RUSC2: variants seen among roughly 807,000 people sequenced by gnomAD.
The protein encoded by RUSC2 is RUN and SH3 domain containing 2.
RUSC2 carries 34 observed loss-of-function variants against 122.2 expected under a neutral mutation model. The observed-to-expected ratio is 0.28, with a 90% CI of 0.21 to 0.37. RUSC2 has a LOEUF of 0.37. Ranked by LOEUF, RUSC2 falls within the 10% of genes least tolerant of loss-of-function variation. The pLI, the probability that RUSC2 is intolerant of heterozygous loss-of-function variation, is 1.00. For synonymous variants in RUSC2, 784 were observed against 790.0 expected (o/e 0.99, Z 0.13); for missense variants, 1,747 against 1,952.4 (o/e 0.89, Z 1.98).
At chr9:35,539,223 C>T (rs1004826615) in intron 1 of RUSC2, 2 of 15,408 alleles carry the variant, frequency 1.3e-4, no homozygotes, top group Non-Finnish European at 2.7e-4. Flanking sequence ...GAGAGGGGGG[C>T]GGTGCGGGGG....
chr9:35,504,992 A>G (rs1244381561), intron 1 of RUSC2, among the ~76,000 whole-genome samples: 3 of 152,240 alleles, frequency 2.0e-5, no homozygotes, highest in Non-Finnish European at 2.9e-5. Context: ...GTACAATGCT[A>G]TGCTTATAGT....
Position 35,547,318 on chromosome 9 carries a change from T to G in RUSC2, c.797T>G (p.Met266Arg), listed in dbSNP as rs1821773349. 3 of 1,614,134 alleles carry G rather than the reference T, an allele frequency of 1.9e-6. No homozygotes were observed. The African/African-American group carries it at 4.0e-5, about 22-fold the overall frequency. ...SSQSEAADQS[M>R]GYVSDSSCNS... ...CAGTCCGAGGCAGCTGACCAGTCCA[T>G]GGGCTATGTGAGCGACTCCTCCTGC... Residue 266 changes from methionine to arginine, a missense_variant, in exon 2 of 12, where the codon ATG becomes AGG. Transcript: ENST00000361226. This position sits in a 1 kb window ranked among gnomAD's most constrained non-coding sequence, Gnocchi z 4.6.
chr9:35,518,770 G>A (rs1166709153), intron 1 of RUSC2, among the ~76,000 whole-genome samples: 2 of 152,182 alleles, frequency 1.3e-5, no homozygotes, highest in Non-Finnish European at 2.9e-5. Context: ...CCCATCCTCT[G>A]TCTCAAATTC....
At chr9:35,533,945 G>A (rs1368674328) in intron 1 of RUSC2, among the ~76,000 whole-genome samples, 1 of 152,132 alleles carries the variant, frequency 6.6e-6, no homozygotes, top group Admixed American at 6.5e-5. Context: ...CTTCTGTGTG[G>A]ATGTTTTTTG....
At position 35,557,794 on chromosome 9, in the gene RUSC2, C is replaced by A; in HGVS notation, c.2984-120C>A. 1 of 789,180 alleles carries A rather than the reference C, an allele frequency of 1.3e-6. No individual in the cohort carries two copies. Among genetic ancestry groups the A allele is most frequent in the South Asian group, 1.4e-5 (1 of 69,230 alleles). The allele number at this position is 789,180 out of a possible 1,614,324, so 48.9% of individuals were successfully genotyped here. On this transcript the variant is annotated intron_variant, in intron 5 of 11. Coordinates refer to ENST00000361226, the MANE Select transcript of RUSC2 (RefSeq NM_014806.5). The surrounding 1 kb of genome is among the most constrained non-coding windows in gnomAD (Gnocchi z 4.6). ...TGAATGTTTTGATAAGACCCATGTG[C>A]AGATGTGGAGACGGAGTAAGTGTGG...
intron 1 of RUSC2, among the ~76,000 whole-genome samples, chr9:35,504,540 AC>A (rs1820877225): frequency 6.7e-6 from 1 of 149,902 alleles, no homozygotes; most frequent in African/African-American, 2.5e-5. Flanking sequence ...ATCTCGGCTC[AC>A]CGCAATCTCT....
At position 35,557,420 on chromosome 9, in the gene RUSC2, T is replaced by TA. The variant is rs1822046451; in HGVS notation, c.2984-492dup. Among the ~76,000 whole-genome samples, 1 of 152,032 alleles carries TA rather than the reference T, an allele frequency of 6.6e-6. No individual in the cohort carries two copies. Among genetic ancestry groups the TA allele is most frequent in the Non-Finnish European group, 1.5e-5 (1 of 68,012 alleles). The stretch of plus-strand genomic sequence containing the variant: ...GGTAGAGGGAAGTTAAAGGAGTTTA[T>TA]AACTAGGGAACTCTGTTCTCTGAAG... On this transcript the variant is annotated intron_variant, in intron 5 of 11. Transcript: ENST00000361226. The surrounding 1 kb of genome is among the most constrained non-coding windows in gnomAD (Gnocchi z 4.6).
Position 35,548,520 on chromosome 9 carries a change from A to G in RUSC2, c.1999A>G (p.Arg667Gly). 2 of 1,611,374 alleles carry G rather than the reference A, an allele frequency of 1.2e-6. No individual in the cohort carries two copies. Among genetic ancestry groups the G allele is most frequent in the Non-Finnish European group, 8.5e-7 (1 of 1,179,160 alleles). The change falls in exon 2 of 12, where the codon AGA becomes GGA. Residue 667 changes from arginine to glycine, a missense_variant. By Grantham distance (125) the Arg-to-Gly change is moderately radical (BLOSUM62 -2). Transcript: ENST00000361226. The surrounding 1 kb of genome is among the most constrained non-coding windows in gnomAD (Gnocchi z 4.5). Reference protein sequence around the residue: ...PANSHTQRDARARADGGGTES... With the variant: ...PANSHTQRDAGARADGGGTES... ...CAACAGCCATACCCAGAGGGATGCA[A>G]GAGCTAGAGCTGACGGTAAGGAGCC...
intron 1 of RUSC2, among the ~76,000 whole-genome samples, chr9:35,496,931 C>T (rs1487255291): frequency 6.6e-6 from 1 of 152,164 alleles, no homozygotes; most frequent in African/African-American, 2.4e-5. Flanking sequence ...TGCTCATCTT[C>T]CCCACTGATA....
At chr9:35,515,278 G>A (rs1446934980) in intron 1 of RUSC2, among the ~76,000 whole-genome samples, 2 of 152,090 alleles carry the variant, frequency 1.3e-5, no homozygotes, top group African/African-American at 4.8e-5. Flanking sequence ...CTCCAGCTTT[G>A]GTAGGAATAC....
At chr9:35,531,569 T>A (rs1821418813) in intron 1 of RUSC2, among the ~76,000 whole-genome samples, 1 of 152,206 alleles carries the variant, frequency 6.6e-6, no homozygotes, top group Non-Finnish European at 1.5e-5. Flanking sequence ...GCTTAGACAT[T>A]TACTGACTGA....
intron 1 of RUSC2, among the ~76,000 whole-genome samples, chr9:35,523,590 T>A (rs1204667132): frequency 6.6e-6 from 1 of 151,984 alleles, no homozygotes; most frequent in Non-Finnish European, 1.5e-5. Context: ...CTGAGGTGGC[T>A]GGATCCTTGA....
At chr9:35,516,684 G>T (rs907356089) in intron 1 of RUSC2, among the ~76,000 whole-genome samples, 2 of 152,142 alleles carry the variant, frequency 1.3e-5, no homozygotes, top group Non-Finnish European at 2.9e-5. Context: ...TCTGAGAACC[G>T]TGTCAGCCCT....
At position 35,560,322 on chromosome 9, in the gene RUSC2, C is replaced by T. The variant is rs762592529; in HGVS notation, c.3682C>T (p.Arg1228Trp). The T allele has an allele frequency of 4.4e-6, 7 of 1,604,080 alleles. No homozygotes were observed. The highest frequency in any genetic ancestry group is 3.3e-5 in the South Asian group (3 of 90,588). ...GDVDRAAQGE[R>W]VKGVGASEGG... is the part of the protein sequence containing the mutation. ...CGTGGACAGGGCAGCCCAAGGGGAG[C>T]GGGTGAAGGGTGTGGGTGCCTCAGA... is the stretch of plus-strand genomic sequence containing the variant. The change falls in exon 10 of 12, where the codon CGG becomes TGG. Residue 1228 changes from arginine (R) to tryptophan (W), a missense_variant. Arg to Trp is a moderately radical substitution (Grantham distance 101). Transcript: ENST00000361226.
At chr9:35,519,896 C>T (rs1324599637) in intron 1 of RUSC2, among the ~76,000 whole-genome samples, 1 of 152,008 alleles carries the variant, frequency 6.6e-6, no homozygotes, top group East Asian at 1.9e-4. Context: ...CCCAGAATTC[C>T]ACAGCTGGCA....
chr9:35,530,550 G>A (rs898199227), intron 1 of RUSC2, among the ~76,000 whole-genome samples: 1 of 152,180 alleles, frequency 6.6e-6, no homozygotes, highest in African/African-American at 2.4e-5. Context: ...TCTTCCCAGT[G>A]AGTAAAGCCA....
intron 1 of RUSC2, among the ~76,000 whole-genome samples, chr9:35,544,700 A>AT (rs1821712281): frequency 1.3e-5 from 2 of 151,086 alleles, no homozygotes; most frequent in Admixed American, 1.3e-4. Flanking sequence ...ATTTTCTCCC[A>AT]TTTTATGGAT....
chr9:35,494,274 T>C (rs1820628560), intron 1 of RUSC2, among the ~76,000 whole-genome samples: 1 of 152,100 alleles, frequency 6.6e-6, no homozygotes, highest in South Asian at 2.1e-4. Context: ...AAGACCAGCC[T>C]GGCCAACATG....
intron 1 of RUSC2, among the ~76,000 whole-genome samples, chr9:35,532,393 T>G (rs1483615357): frequency 1.3e-5 from 2 of 152,226 alleles, no homozygotes; most frequent in Non-Finnish European, 2.9e-5. Flanking sequence ...AGGTATTGTT[T>G]TATTAAACAA....
Sources: gnomAD v4.1 joint callset for allele counts (sites outside exome capture counted in the v4.1 genomes callset) on GRCh38, gnomAD v4.1.1 for gene constraint, Gnocchi (gnomAD v3.1) non-coding constraint, MANE v1.5 for transcripts, NCBI Gene and HGNC (gene_info 2026-07-23, HGNC 2026-07-21) for gene names.